Variants in DPP10 observed in about 807,000 individuals in gnomAD.
DPP10 encodes the protein dipeptidyl peptidase like 10.
Under a neutral mutation model 120.9 loss-of-function variants are expected in DPP10, and 33 were observed. The ratio of observed to expected loss-of-function variants is 0.27; its 90% CI spans 0.21 to 0.37. The LOEUF is 0.37. Ranked by LOEUF, DPP10 falls within the 10% of genes least tolerant of loss-of-function variation. The pLI is 1.00. For missense variants in DPP10, 816 were observed against 942.8 expected (o/e 0.87, Z 1.76); for synonymous variants, 337 against 326.1 (o/e 1.03, Z -0.36).
chr2:115,045,797 T>G (rs1705017729), intron 1 of DPP10, among the ~76,000 whole-genome samples: 1 of 152,214 alleles, frequency 6.6e-6, no homozygotes, highest in Non-Finnish European at 1.5e-5. Context: ...GTGTGAATAG[T>G]TGTTCACTTT....
chr2:115,211,923 T>C (rs1326236727), intron 1 of DPP10, among the ~76,000 whole-genome samples: 1 of 152,198 alleles, frequency 6.6e-6, no homozygotes, highest in Admixed American at 6.6e-5. Flanking sequence ...TATTTGATGC[T>C]GTGACTGTTT....
chr2:115,647,354 C>G (rs2087351686), intron 5 of DPP10, among the ~76,000 whole-genome samples: 1 of 152,252 alleles, frequency 6.6e-6, no homozygotes, highest in Non-Finnish European at 1.5e-5. Context: ...CCTCTCCATG[C>G]AGCTCTACGA....
chr2:115,648,224 T>C (rs2087443630), intron 5 of DPP10, among the ~76,000 whole-genome samples: 1 of 152,010 alleles, frequency 6.6e-6, no homozygotes, highest in Non-Finnish European at 1.5e-5. Flanking sequence ...ACTGAACTCA[T>C]AGAAGCAGAG....
intron 1 of DPP10, among the ~76,000 whole-genome samples, chr2:114,514,432 C>T (rs1684422122): frequency 6.6e-6 from 1 of 152,180 alleles, no homozygotes; most frequent in Non-Finnish European, 1.5e-5. Flanking sequence ...TTCAAAACCA[C>T]CCTATGATTA....
At position 114,950,492 on chromosome 2, in the gene DPP10, C is replaced by G. The variant is rs151229488; in HGVS notation, c.61-358747C>G. On this transcript the variant is annotated intron_variant, in intron 1 of 25. Coordinates refer to ENST00000410059, the MANE Select transcript of DPP10 (RefSeq NM_020868.6). ...TTATTTTTTTTTTGTATTTTTAGTA[C>G]AGATGGGTTTTCACGGTGTTAGCAG... Among the ~76,000 whole-genome samples, 606 of 150,752 alleles carry G rather than the reference C, an allele frequency of 4.0e-3. 1 individual carries two copies. The highest frequency in any genetic ancestry group is 0.014 in the African/African-American group (593 of 41,058).
intron 1 of DPP10, among the ~76,000 whole-genome samples, chr2:114,931,644 A>G (rs1696076278): frequency 6.6e-6 from 1 of 152,220 alleles, no homozygotes; most frequent in Admixed American, 6.5e-5. Context: ...ACTGGGTGGC[A>G]AAGAGTGTGT....
chr2:114,894,867 A>G (rs1692835422), intron 1 of DPP10, among the ~76,000 whole-genome samples: 1 of 152,158 alleles, frequency 6.6e-6, no homozygotes, highest in Non-Finnish European at 1.5e-5. Context: ...TAATATATAA[A>G]AGATGGGAAA....
chr2:114,653,314 G>A lies in DPP10; in HGVS notation c.60+210476G>A, dbSNP rs1573892528. 5.9e-5 allele frequency among the ~76,000 whole-genome samples: 9 copies of A among 152,200 alleles called. No homozygotes were observed. The South Asian group carries it at 1.9e-3, about 32-fold the overall frequency. ...TGAGAGTGATGCACCTGTAGCCCTAGAAGCCTCCAGACCTGGAAGAGGCAA... is the reference window on the plus strand; with the variant it reads ...TGAGAGTGATGCACCTGTAGCCCTAAAAGCCTCCAGACCTGGAAGAGGCAA... On this transcript the variant is annotated intron_variant, in intron 1 of 25. Transcript: ENST00000410059.
intron 1 of DPP10, among the ~76,000 whole-genome samples, chr2:114,512,499 C>T (rs554658557): frequency 6.6e-6 from 1 of 152,304 alleles, no homozygotes; most frequent in South Asian, 2.1e-4. Context: ...AGATGCACAA[C>T]TTGGAGGTCT....
intron 2 of DPP10, among the ~76,000 whole-genome samples, chr2:115,323,616 A>G (rs2062179446): frequency 6.6e-6 from 1 of 152,158 alleles, no homozygotes; most frequent in Non-Finnish European, 1.5e-5. Context: ...ATCAAATGTA[A>G]TTCTTAATTA....
chr2:114,962,095 C>T (rs1056384437), intron 1 of DPP10, among the ~76,000 whole-genome samples: 2 of 152,070 alleles, frequency 1.3e-5, no homozygotes, highest in African/African-American at 4.8e-5. Context: ...TTATTGAGGG[C>T]TCATTATGTG....
chr2:115,503,614 T>C (rs1414599981), intron 4 of DPP10, among the ~76,000 whole-genome samples: 1 of 152,164 alleles, frequency 6.6e-6, no homozygotes, highest in Non-Finnish European at 1.5e-5. Flanking sequence ...TGTTAATTAT[T>C]TGTAAGATTT....
intron 1 of DPP10, among the ~76,000 whole-genome samples, chr2:114,995,905 C>T (rs1031857289): frequency 3.9e-5 from 6 of 152,076 alleles, no homozygotes; most frequent in South Asian, 4.1e-4. Context: ...TTTGCAAGAT[C>T]GGCAGGTATA....
chr2:115,592,787 G>C (rs1456514691), intron 5 of DPP10, among the ~76,000 whole-genome samples: 1 of 151,426 alleles, frequency 6.6e-6, no homozygotes, highest in African/African-American at 2.4e-5. Flanking sequence ...AAAAAAGAAA[G>C]AAAGGAAAAA....
chr2:115,734,387 G>A (rs1183059743), intron 8 of DPP10, among the ~76,000 whole-genome samples: 1 of 152,022 alleles, frequency 6.6e-6, no homozygotes, highest in Non-Finnish European at 1.5e-5. Flanking sequence ...GCCGGGCATG[G>A]TAGCTGACGC....
At chr2:114,852,151 CTTTTTTTTTTTTT>C (rs34580352) in intron 1 of DPP10, among the ~76,000 whole-genome samples, 18 of 53,730 alleles carry the variant, frequency 3.4e-4, no homozygotes, top group Non-Finnish European at 4.1e-4. Context: ...CGATTGCATC[CTTTTTTTTTTTTT>C]TTTTTTTTTT....
In DPP10 at chr2:114,481,027, G is replaced by T. The variant is rs189046988; in HGVS notation, c.60+38189G>T. 2.6e-3 allele frequency among the ~76,000 whole-genome samples: 381 copies of T among 148,456 alleles called. 2 individuals carry two copies. Among genetic ancestry groups the T allele is most frequent in the African/African-American group, 9.0e-3 (366 of 40,570 alleles). Reference sequence around the variant, plus strand: ...TATAAAACATATAAAGCAGTTAGGGGAAAAAAAAACAGGAGAAAATCTTCA... The same window carrying T: ...TATAAAACATATAAAGCAGTTAGGGTAAAAAAAAACAGGAGAAAATCTTCA... On this transcript the variant is annotated intron_variant, in intron 1 of 25. Transcript: ENST00000410059.
At chr2:115,338,364 C>A (rs1271300421) in intron 2 of DPP10, among the ~76,000 whole-genome samples, 1 of 151,976 alleles carries the variant, frequency 6.6e-6, no homozygotes, top group African/African-American at 2.4e-5. Flanking sequence ...ATAAAAGAGT[C>A]TGGAAAGAAA....
chr2:114,462,477 G>C (rs1679009174), intron 1 of DPP10, among the ~76,000 whole-genome samples: 1 of 152,090 alleles, frequency 6.6e-6, no homozygotes. Context: ...GAGAAGTACT[G>C]GTCCCTGATT....
Sources: allele counts gnomAD v4.1 joint callset (sites outside exome capture counted in the v4.1 genomes callset), GRCh38; gene constraint gnomAD v4.1.1; transcripts MANE v1.5; gene names NCBI Gene and HGNC (gene_info 2026-07-23, HGNC 2026-07-21).